The following ABL1 variants were observed in gnomAD, a reference collection of about 807,000 sequenced individuals.
ABL1 encodes tyrosine-protein kinase ABL1.
Under a neutral mutation model 94.7 loss-of-function variants are expected in ABL1, and 11 were observed. The observed-to-expected ratio is 0.12, with a 90% confidence interval of 0.07 to 0.19. The LOEUF is 0.19. Ranked by LOEUF, ABL1 falls within the 10% of genes least tolerant of loss-of-function variation. The probability of loss-of-function intolerance (pLI) is 1.00; values close to 1 mark genes in which losing one functional copy is unlikely to be tolerated. For missense variants in ABL1, 1,082 were observed against 1,489.4 expected (o/e 0.73, Z 4.50); for synonymous variants, 656 against 622.4 (o/e 1.05, Z -0.80).
chr9:130,746,456 C>T (rs2132720142), intron 1 of ABL1, among the ~76,000 whole-genome samples: 1 of 151,468 alleles, frequency 6.6e-6, no homozygotes, highest in South Asian at 2.1e-4. Flanking sequence ...TCTCCTGCCT[C>T]CTGGCAACCA....
chr9:130,823,288 A>G (rs1203108951), intron 1 of ABL1, among the ~76,000 whole-genome samples: 1 of 152,102 alleles, frequency 6.6e-6, no homozygotes, highest in Non-Finnish European at 1.5e-5. Flanking sequence ...TCAATTTTCT[A>G]AAGGTTACAG....
At chr9:130,726,024 A>C (rs1831580896) in intron 1 of ABL1, among the ~76,000 whole-genome samples, 1 of 150,984 alleles carries the variant, frequency 6.6e-6, no homozygotes, top group Admixed American at 6.6e-5. Context: ...AATTTAAAAA[A>C]AAAATTTATA....
intron 1 of ABL1, among the ~76,000 whole-genome samples, chr9:130,845,267 G>A (rs565846761): frequency 1.3e-5 from 2 of 152,036 alleles, no homozygotes; most frequent in East Asian, 3.9e-4. Context: ...ACATGACAAT[G>A]TCTTAGCCAG....
chr9:130,828,205 G>A (rs1830451066), intron 1 of ABL1, among the ~76,000 whole-genome samples: 1 of 152,014 alleles, frequency 6.6e-6, no homozygotes, highest in South Asian at 2.1e-4. Context: ...TGGGACTACA[G>A]GCACGCACCA....
At chr9:130,810,351 C>G (rs1347779318) in intron 1 of ABL1, among the ~76,000 whole-genome samples, 2 of 152,076 alleles carry the variant, frequency 1.3e-5, no homozygotes, top group African/African-American at 4.8e-5. Flanking sequence ...CAAAAATTAG[C>G]TGGGTGTGGT....
intron 1 of ABL1, among the ~76,000 whole-genome samples, chr9:130,843,305 G>T (rs1260011423): frequency 6.6e-6 from 1 of 152,208 alleles, no homozygotes; most frequent in Admixed American, 6.5e-5. Context: ...CATAAGAGAA[G>T]ACGCGGTTGT....
Position 130,872,110 on chromosome 9 carries a change from C to T in ABL1, c.823-19C>T, listed in dbSNP as rs1334791575. The T allele has an allele frequency of 1.6e-5, 26 of 1,611,998 alleles. 1 individual carries two copies. The highest frequency in any genetic ancestry group is 5.5e-5 in the South Asian group (5 of 90,920). ...GCACTTCCTGAAATAATTTCACCTTCGTTTTTTTCCTTCTGCAGGAGGACA... is the reference window on the plus strand; with the variant it reads ...GCACTTCCTGAAATAATTTCACCTTTGTTTTTTTCCTTCTGCAGGAGGACA... On this transcript the variant is annotated intron_variant, in intron 4 of 10. Coordinates refer to ENST00000318560, the MANE Select transcript of ABL1 (RefSeq NM_005157.6). This position sits in a 1 kb window ranked among gnomAD's most constrained non-coding sequence, Gnocchi z 5.0.
chr9:130,754,310 C>T (rs1034989348), intron 1 of ABL1, among the ~76,000 whole-genome samples: 1 of 151,348 alleles, frequency 6.6e-6, no homozygotes, highest in Admixed American at 6.6e-5. Flanking sequence ...AGATCGAGAC[C>T]ATCCTGGCTA....
In ABL1 at chr9:130,731,132, G is replaced by A. The variant is rs377475598; in HGVS notation, c.136+16677G>A. Among the ~76,000 whole-genome samples, 29 of 146,462 alleles carry A rather than the reference G, an allele frequency of 2.0e-4. No individual in the cohort carries two copies. The East Asian group carries it at 3.6e-3, about 18-fold the overall frequency. On this transcript the variant is annotated intron_variant, in intron 1 of 10. Coordinates refer to the ABL1 transcript ENST00000372348. Reference sequence around the variant, plus strand: ...AGAGATTCTCCTGCCTCAGTCCCCCGAGTAGCTGGGATTACAGGCGCCCAC... The same window carrying A: ...AGAGATTCTCCTGCCTCAGTCCCCCAAGTAGCTGGGATTACAGGCGCCCAC...
chr9:130,809,415 AGAGTGTGT>A (rs1399726893), intron 1 of ABL1, among the ~76,000 whole-genome samples: 22 of 97,514 alleles, frequency 2.3e-4, no homozygotes, highest in Middle Eastern at 5.0e-3. Context: ...AGAGAGAGAG[AGAGTGTGT>A]GTGTGTGTGT....
rs369454308 is a variant in ABL1, at chr9:130,827,799, CAGG to C, written c.137-26262_137-26260del. ...AATCCCAGCTATTGGGAGGCTGAGG[CAGG>C]AGAATTGCTTGAACCTGGGAGGCAT... is the stretch of plus-strand genomic sequence containing the variant. On this transcript the variant is annotated intron_variant, in intron 1 of 10. Coordinates refer to the ABL1 transcript ENST00000372348. 6.1e-3 allele frequency among the ~76,000 whole-genome samples: 920 copies of C among 151,970 alleles called. 8 individuals carry two copies. The highest frequency in any genetic ancestry group is 0.021 in the African/African-American group (862 of 41,454).
At chr9:130,829,423 G>C (rs1415389387) in intron 1 of ABL1, among the ~76,000 whole-genome samples, 1 of 152,080 alleles carries the variant, frequency 6.6e-6, no homozygotes, top group East Asian at 1.9e-4. Flanking sequence ...TTAGCAGGGC[G>C]TGGTGGCGGT....
upstream of ABL1, among the ~76,000 whole-genome samples, chr9:130,833,569 T>C (rs1830519817): frequency 6.6e-6 from 1 of 152,210 alleles, no homozygotes; most frequent in East Asian, 1.9e-4. Context: ...TGATGGGAGC[T>C]GCAAACTTCC....
At position 130,793,469 on chromosome 9, in the gene ABL1, G is replaced by A. The variant is rs78191136; in HGVS notation, c.137-60595G>A. On this transcript the variant is annotated intron_variant, in intron 1 of 10. Transcript: ENST00000372348. The stretch of plus-strand genomic sequence containing the variant: ...ATACTAATCAGGATTTCCTGTAATT[G>A]GAACATTCTTCACACTTTTGATATT... Among the ~76,000 whole-genome samples, 401 of 152,142 alleles carry A rather than the reference G, an allele frequency of 2.6e-3. 2 individuals are homozygous for A. Among genetic ancestry groups the A allele is most frequent in the Non-Finnish European group, 4.2e-3 (286 of 67,998 alleles).
Position 130,884,582 on chromosome 9 carries a change from G to C in ABL1, c.2292G>C (p.Arg764=), listed in dbSNP as rs772964843. 1.2e-6 allele frequency: 2 copies of C among 1,613,382 alleles called. No homozygotes were observed. The highest frequency in any genetic ancestry group is 2.2e-5 in the South Asian group (2 of 91,088). ...AAAGTGAGAAGCCGGCTCTGCCTCG[G>C]AAGAGGGCAGGGGAGAACAGGTCTG... ...GHKSEKPALP[R]KRAGENRSDQ... is the part of the protein sequence containing the mutation. The change falls in exon 11 of 11, where the codon CGG becomes CGC. Residue 764 remains arginine (R), a synonymous_variant. Transcript: ENST00000318560. This position sits in a 1 kb window ranked among gnomAD's most constrained non-coding sequence, Gnocchi z 5.6.
intron 1 of ABL1, among the ~76,000 whole-genome samples, chr9:130,744,376 C>T (rs1470869039): frequency 6.6e-6 from 1 of 150,832 alleles, no homozygotes; most frequent in South Asian, 2.1e-4. Context: ...CTCTTGACCT[C>T]GTGATCCACC....
In ABL1 at chr9:130,885,434, G is replaced by A; in HGVS notation, c.3144G>A (p.Glu1048=). The change falls in exon 11 of 11, where the codon GAG becomes GAA. Residue 1048 remains glutamate, a synonymous_variant. Coordinates refer to ENST00000318560, the MANE Select transcript of ABL1 (RefSeq NM_005157.6). The stretch of plus-strand genomic sequence containing the variant: ...GCCTCGCCATCTCTAGGAACTCCGA[G>A]CAGATGGCCAGCCACAGCGCAGTGC... The part of the protein sequence containing the change: ...ALCLAISRNS[E]QMASHSAVLE... 36 of 1,613,766 alleles carry A rather than the reference G, an allele frequency of 2.2e-5. No individual in the cohort carries two copies. Among genetic ancestry groups the A allele is most frequent in the Non-Finnish European group, 3.1e-5 (36 of 1,180,050 alleles).
intron 2 of ABL1, 66 bp downstream of exon 2, chr9:130,854,303 C>T (rs2132956838): frequency 6.4e-7 from 1 of 1,553,928 alleles, no homozygotes; most frequent in South Asian, 1.2e-5. Context: ...GCGGTTTGAC[C>T]TACCACCCTT....
At chr9:130,853,336 C>T (rs758253459) in intron 1 of ABL1, among the ~76,000 whole-genome samples, 20 of 151,476 alleles carry the variant, frequency 1.3e-4, no homozygotes, top group Non-Finnish European at 2.5e-4. Context: ...CCACCATGCC[C>T]GGCTGATTTT....
Sources: allele counts gnomAD v4.1 joint callset (sites outside exome capture counted in the v4.1 genomes callset), GRCh38; gene constraint gnomAD v4.1.1; non-coding constraint Gnocchi (gnomAD v3.1); transcripts MANE v1.5; gene names NCBI Gene and HGNC (gene_info 2026-07-23, HGNC 2026-07-21).